GPR84: variants seen among roughly 807,000 people sequenced by gnomAD.
GPR84 encodes the protein G protein-coupled receptor 84.
A neutral mutation model predicts 14.9 loss-of-function variants in GPR84; 8 were observed. That is an observed-to-expected ratio of 0.54 (90% CI 0.31 to 0.97). GPR84 has a LOEUF of 0.97. Ranked by LOEUF, GPR84 falls within the 50% of genes least tolerant of loss-of-function variation. GPR84 has a pLI of 0.04. For synonymous variants in GPR84, 164 were observed against 198.1 expected (o/e 0.83, Z 1.45); for missense variants, 424 against 498.7 (o/e 0.85, Z 1.43).
At chr12:54,362,158 C>T (rs908685664), downstream of GPR84, among the ~76,000 whole-genome samples, 1 of 152,226 alleles carries the variant, frequency 6.6e-6, no homozygotes, top group Admixed American at 6.5e-5. This position sits in a 1 kb window ranked among gnomAD's most constrained non-coding sequence, Gnocchi z 4.0. Flanking sequence ...GCAGGCTAAT[C>T]CTCTTAAATC....
chr12:54,361,588 C>G (rs996163779), downstream of GPR84, among the ~76,000 whole-genome samples: 1 of 152,172 alleles, frequency 6.6e-6, no homozygotes, highest in Non-Finnish European at 1.5e-5. The surrounding 1 kb of genome is among the most constrained non-coding windows in gnomAD (Gnocchi z 4.3). Flanking sequence ...TCAGGCTGGT[C>G]TCGAACTCCT....
chr12:54,351,154 A>G, the GPR84 span: 1 of 154,544 alleles, frequency 6.5e-6, no homozygotes, highest in Non-Finnish European at 1.4e-5. Flanking sequence ...TGAACAGGGC[A>G]TATAAAATGC....
downstream of GPR84, among the ~76,000 whole-genome samples, chr12:54,359,404 G>C (rs1280132552): frequency 6.6e-6 from 1 of 151,726 alleles, no homozygotes; most frequent in African/African-American, 2.4e-5. Flanking sequence ...AGAACAGCCC[G>C]GGCGGGCGAC....
the GPR84 span, among the ~76,000 whole-genome samples, chr12:54,355,293 G>A: frequency 1.2e-4 from 18 of 151,548 alleles, no homozygotes; most frequent in Admixed American, 5.3e-4. Flanking sequence ...CTGGCTCTCC[G>A]GGGCTCCCTC....
downstream of GPR84, among the ~76,000 whole-genome samples, chr12:54,362,262 A>T (rs913004397): frequency 3.3e-5 from 5 of 152,148 alleles, no homozygotes; most frequent in African/African-American, 1.2e-4. The surrounding 1 kb of genome is among the most constrained non-coding windows in gnomAD (Gnocchi z 4.0). Flanking sequence ...GGTACCCCTG[A>T]ATCCTTAGGT....
chr12:54,353,251 C>G, the GPR84 span, among the ~76,000 whole-genome samples: 2 of 152,154 alleles, frequency 1.3e-5, no homozygotes, highest in Non-Finnish European at 2.9e-5. Flanking sequence ...CTGATTATTT[C>G]TTTTCCTTGG....
rs1954294121 is a variant in GPR84 at position 54,363,463 on chromosome 12, T to TG, written c.388dup (p.Gln130ProfsTer42). The TG allele has an allele frequency of 6.2e-7, 1 of 1,613,794 alleles. No homozygotes were observed. Among genetic ancestry groups the TG allele is most frequent in the African/African-American group, 1.3e-5 (1 of 74,882 alleles). ...CACTATCCCCTTGGCACTGAAAACT[T>TG]GGGGAAAAAGCTTAGGGTGGGCAAT... On this transcript the variant is annotated frameshift_variant, in exon 2 of 2. Transcript: ENST00000267015. LOFTEE classifies it high-confidence loss of function.
At chr12:54,354,090 A>G in the GPR84 span, among the ~76,000 whole-genome samples, 1 of 150,798 alleles carries the variant, frequency 6.6e-6, no homozygotes, top group East Asian at 1.9e-4. Flanking sequence ...AGTGTTTGTC[A>G]TTCTGTGTCT....
the GPR84 span, among the ~76,000 whole-genome samples, chr12:54,352,259 C>T: frequency 6.6e-6 from 1 of 152,178 alleles, no homozygotes; most frequent in East Asian, 1.9e-4. Flanking sequence ...TTATCGGAGC[C>T]AGCGCTGCTC....
At position 54,363,358 on chromosome 12, in the gene GPR84, A is replaced by G; in HGVS notation, c.494T>C (p.Val165Ala). The G allele has an allele frequency of 6.2e-7, 1 of 1,614,162 alleles. No individual in the cohort carries two copies. The highest frequency in any genetic ancestry group is 8.5e-7 in the Non-Finnish European group (1 of 1,180,018). The change falls in exon 2 of 2, where the codon GTC becomes GCC. Residue 165 changes from valine (V) to alanine (A), a missense_variant. Physicochemically the swap from Val to Ala is moderately conservative, Grantham distance 64. Coordinates refer to ENST00000267015, the MANE Select transcript of GPR84 (RefSeq NM_020370.3). ...LWPIYILVPV[V>A]CTCSFDRIRG... ...GATGCGGTCAAAGCTGCAGGTGCAG[A>G]CTACAGGTACCAGGATATAAATAGG...
chr12:54,364,009 C>G, intron 1 of GPR84, 150 bp from the exon 2 acceptor site: 1 of 534,238 alleles, frequency 1.9e-6, no homozygotes, highest in Non-Finnish European at 3.3e-6. Context: ...CAGGCCTCTT[C>G]ATCTCAAGAT....
chr12:54,350,846 A>G, the GPR84 span: 1 of 380,300 alleles, frequency 2.6e-6, no homozygotes, highest in South Asian at 3.5e-5. Flanking sequence ...CCTTTGCTGT[A>G]GCTACACTTC....
rs1273566529 is a variant in GPR84, at chr12:54,363,174, A to G, written c.678T>C (p.His226=). 4 of 1,613,968 alleles carry G rather than the reference A, an allele frequency of 2.5e-6. No homozygotes were observed. Among genetic ancestry groups the G allele is most frequent in the Non-Finnish European group, 3.4e-6 (4 of 1,180,012 alleles). The part of the protein sequence containing the change: ...KLRQASIHSN[H]VARTDEAMPG... ...GCATGGCCTCATCAGTCCTGGCCACATGGTTGGAGTGGATGCTTGCCTGTC... is the reference window on the plus strand; with the variant it reads ...GCATGGCCTCATCAGTCCTGGCCACGTGGTTGGAGTGGATGCTTGCCTGTC... The change falls in exon 2 of 2, where the codon CAT becomes CAC. Residue 226 remains histidine (H), a synonymous_variant. Coordinates refer to ENST00000267015, the MANE Select transcript of GPR84 (RefSeq NM_020370.3).
the GPR84 span, among the ~76,000 whole-genome samples, chr12:54,355,355 C>T: frequency 3.2e-4 from 35 of 109,984 alleles, no homozygotes; most frequent in South Asian, 2.4e-3. Flanking sequence ...TGTGTGTGTG[C>T]GCATGGCACA....
downstream of GPR84, among the ~76,000 whole-genome samples, chr12:54,359,141 G>A (rs1175091136): frequency 2.0e-5 from 3 of 152,186 alleles, no homozygotes; most frequent in East Asian, 5.8e-4. Context: ...GCGGCGGGAA[G>A]GGGAGGGGAG....
downstream of GPR84, among the ~76,000 whole-genome samples, chr12:54,358,559 G>C (rs1365620950): frequency 6.6e-6 from 1 of 151,630 alleles, no homozygotes; most frequent in Non-Finnish European, 1.5e-5. Context: ...GCCTTTCTCT[G>C]TCTTTGCTTC....
Position 54,363,774 on chromosome 12 carries a change from C to G in GPR84, c.78G>C (p.Trp26Cys). The change falls in exon 2 of 2, where the codon TGG becomes TGC. Residue 26 changes from tryptophan (W) to cysteine (C), a missense_variant. Coordinates refer to ENST00000267015, the MANE Select transcript of GPR84 (RefSeq NM_020370.3). ...VLGYRYVAVSWGVVVAVTGTV... is the reference protein window; with the variant it reads ...VLGYRYVAVSCGVVVAVTGTV... The stretch of plus-strand genomic sequence containing the variant: ...TGCCTGTCACAGCCACCACCACCCC[C>G]CAGCTAACTGCAACATAACGATAGC... 1 of 1,613,720 alleles carries G rather than the reference C, an allele frequency of 6.2e-7. No individual in the cohort carries two copies.
the GPR84 span, among the ~76,000 whole-genome samples, chr12:54,357,096 A>G: frequency 6.6e-6 from 1 of 152,066 alleles, no homozygotes; most frequent in African/African-American, 2.4e-5. Flanking sequence ...GTGTCTGGGT[A>G]CTTAGCTTTA....
chr12:54,355,053 A>G, the GPR84 span, among the ~76,000 whole-genome samples: 1 of 152,054 alleles, frequency 6.6e-6, no homozygotes, highest in South Asian at 2.1e-4. Flanking sequence ...CGTCCAAAGA[A>G]TTTGGGGAGG....
Sources: gnomAD v4.1 joint callset for allele counts (sites outside exome capture counted in the v4.1 genomes callset) on GRCh38, gnomAD v4.1.1 for gene constraint, Gnocchi (gnomAD v3.1) non-coding constraint, MANE v1.5 for transcripts, NCBI Gene and HGNC (gene_info 2026-07-23, HGNC 2026-07-21) for gene names.